TFDP2: variants seen among roughly 807,000 people sequenced by gnomAD.
TFDP2 encodes the protein transcription factor Dp-2.
A neutral mutation model predicts 59.3 loss-of-function variants in TFDP2; 17 were observed. The observed-to-expected ratio is 0.29, with a 90% CI of 0.20 to 0.43. The LOEUF (loss-of-function observed/expected upper bound fraction) is 0.43. Ranked by LOEUF, TFDP2 falls within the 20% of genes least tolerant of loss-of-function variation. The probability of loss-of-function intolerance (pLI) is 1.00; values close to 1 mark genes in which losing one functional copy is unlikely to be tolerated. For missense variants in TFDP2, 391 were observed against 528.8 expected, an observed-to-expected ratio of 0.74 and a Z score of 2.56; for synonymous variants, 180 against 194.7, an observed-to-expected ratio of 0.92 and a Z score of 0.63.
At chr3:142,099,761 G>A (rs2061267523) in intron 2 of TFDP2, among the ~76,000 whole-genome samples, 1 of 151,376 alleles carries the variant, frequency 6.6e-6, no homozygotes, top group African/African-American at 2.4e-5. Flanking sequence ...TTTCCCCTGA[G>A]CGCCAGAGTC....
At chr3:141,987,265 TTGTGTG>T (rs56988461) in intron 6 of TFDP2, among the ~76,000 whole-genome samples, 21,074 of 132,778 alleles carry the variant, frequency 0.16, 1,471 homozygotes, top group East Asian at 0.19. Context: ...GCTGTCAGAT[TTGTGTG>T]TGTGTGTGTG....
chr3:141,998,894 C>T (rs9877536), intron 4 of TFDP2, among the ~76,000 whole-genome samples: 1 of 151,824 alleles, frequency 6.6e-6, no homozygotes, highest in African/African-American at 2.4e-5. Flanking sequence ...AAAGCCAAGA[C>T]AGCATATGTA....
intron 1 of TFDP2, among the ~76,000 whole-genome samples, chr3:142,142,040 T>A (rs1260710930): frequency 2.0e-5 from 3 of 152,058 alleles, no homozygotes; most frequent in Admixed American, 2.0e-4. Flanking sequence ...ATCTGAAACA[T>A]GACAAGCATG....
intron 3 of TFDP2, among the ~76,000 whole-genome samples, chr3:142,027,864 G>T (rs1185938105): frequency 6.6e-6 from 1 of 152,046 alleles, no homozygotes; most frequent in South Asian, 2.1e-4. Flanking sequence ...TAACATAATG[G>T]CAGTCACTAC....
intron 3 of TFDP2, among the ~76,000 whole-genome samples, chr3:142,060,063 GAATA>G (rs2059866890): frequency 6.6e-6 from 1 of 152,132 alleles, no homozygotes; most frequent in African/African-American, 2.4e-5. Context: ...ATGGGTACTT[GAATA>G]ATTAGATTCT....
intron 3 of TFDP2, among the ~76,000 whole-genome samples, chr3:142,018,642 A>C (rs1945331095): frequency 6.6e-6 from 1 of 151,966 alleles, no homozygotes; most frequent in Non-Finnish European, 1.5e-5. Flanking sequence ...ACAGGGTCTC[A>C]CCATGTTGCC....
At chr3:142,018,485 C>T (rs1402507458) in intron 3 of TFDP2, among the ~76,000 whole-genome samples, 3 of 151,786 alleles carry the variant, frequency 2.0e-5, no homozygotes, top group Non-Finnish European at 2.9e-5. Context: ...TTTTTAGAGA[C>T]GGGGTTTCCT....
chr3:142,125,256 C>T (rs535402282), intron 1 of TFDP2, among the ~76,000 whole-genome samples: 3 of 152,032 alleles, frequency 2.0e-5, no homozygotes, highest in East Asian at 3.9e-4. Context: ...TATAAAAATA[C>T]GTTCAGCCCA....
At chr3:141,974,476 C>A (rs1226101171) in intron 7 of TFDP2, among the ~76,000 whole-genome samples, 8 of 152,072 alleles carry the variant, frequency 5.3e-5, no homozygotes, top group Admixed American at 5.2e-4. Context: ...AAAGGGATTT[C>A]TTCAGGTAGA....
At chr3:142,134,974 T>C (rs2062666803) in intron 1 of TFDP2, among the ~76,000 whole-genome samples, 1 of 152,100 alleles carries the variant, frequency 6.6e-6, no homozygotes, top group Non-Finnish European at 1.5e-5. Context: ...CATACCAATA[T>C]CCCTTGTTCA....
At chr3:142,029,095 AAG>A (rs1410177829) in intron 3 of TFDP2, 3 of 152,772 alleles carry the variant, frequency 2.0e-5, no homozygotes, top group Non-Finnish European at 2.9e-5. Context: ...GCTGGCTCCA[AAG>A]CAGTCACAAA....
At chr3:142,010,198 C>G (rs184062436) in intron 3 of TFDP2, among the ~76,000 whole-genome samples, 1 of 150,956 alleles carries the variant, frequency 6.6e-6, no homozygotes, top group Non-Finnish European at 1.5e-5. Flanking sequence ...GTTTATTTAA[C>G]CTACTCTTAT....
chr3:142,134,549 G>A (rs779272623), intron 1 of TFDP2, among the ~76,000 whole-genome samples: 12 of 151,942 alleles, frequency 7.9e-5, no homozygotes, highest in Non-Finnish European at 1.5e-4. Context: ...AATAGTTGGT[G>A]GGCTGATAAT....
intron 1 of TFDP2, chr3:142,126,014 G>T (rs973271669): frequency 1.3e-5 from 2 of 152,040 alleles, no homozygotes; most frequent in East Asian, 3.8e-4. Flanking sequence ...CCCTTTCTTA[G>T]GGGGCTTGAA....
At chr3:141,987,825 G>C (rs558751249) in intron 6 of TFDP2, among the ~76,000 whole-genome samples, 64 of 151,188 alleles carry the variant, frequency 4.2e-4, no homozygotes, top group African/African-American at 1.4e-3. Context: ...TGTAATCCCA[G>C]CTACTCCGAA....
chr3:142,014,220 T>A (rs995041136), intron 3 of TFDP2, among the ~76,000 whole-genome samples: 3 of 152,216 alleles, frequency 2.0e-5, no homozygotes, highest in Non-Finnish European at 4.4e-5. Flanking sequence ...CACAGCTCAC[T>A]GCAGCCTCAA....
chr3:141,958,278 A>G (rs1936941215), intron 11 of TFDP2, among the ~76,000 whole-genome samples: 1 of 152,236 alleles, frequency 6.6e-6, no homozygotes, highest in Admixed American at 6.5e-5. Context: ...GCTGTGATGT[A>G]TTCATATAAT....
chr3:142,053,512 T>G (rs996284784), intron 3 of TFDP2, among the ~76,000 whole-genome samples: 1 of 152,170 alleles, frequency 6.6e-6, no homozygotes, highest in Non-Finnish European at 1.5e-5. Context: ...CAAAATAAAC[T>G]TCTTTTCTTT....
In TFDP2 at chr3:142,089,233, G is replaced by GA. The variant is rs561451177; in HGVS notation, c.82+3827dup. 6.5e-3 allele frequency among the ~76,000 whole-genome samples: 683 copies of GA among 105,734 alleles called. 3 individuals are homozygous for GA. The highest frequency in any genetic ancestry group is 0.016 in the African/African-American group (450 of 28,278). The allele number at this position is 105,734 out of a possible 152,430, so 69.4% of individuals were successfully genotyped here. A position where few individuals can be genotyped will look rare whatever the true frequency, so the allele number is the denominator to read the frequency against. ...GTGCTTTCACCCTCTCTCCTCAGTA[G>GA]AAAAAAAAAAAACATAAAGAACCCA... On this transcript the variant is annotated intron_variant, in intron 3 of 12. Transcript: ENST00000489671.
Sources: gnomAD v4.1 joint callset for allele counts (sites outside exome capture counted in the v4.1 genomes callset) on GRCh38, gnomAD v4.1.1 for gene constraint, MANE v1.5 for transcripts, NCBI Gene and HGNC (gene_info 2026-07-23, HGNC 2026-07-21) for gene names.